The following BSPH1 variants were observed in gnomAD, a reference collection of about 807,000 sequenced individuals.
BSPH1 encodes binder of sperm 1.
Under a neutral mutation model 22.5 loss-of-function variants are expected in BSPH1, and 21 were observed. The ratio of observed to expected loss-of-function variants is 0.93; its 90% CI spans 0.66 to 1.35. The LOEUF (loss-of-function observed/expected upper bound fraction) is 1.35. Among genes scored for constraint, BSPH1 ranks in the 40% most tolerant of loss-of-function variants. The pLI is 0.00. For synonymous variants in BSPH1, 42 were observed against 53.6 expected (o/e 0.78, Z 0.95); for missense variants, 141 against 154.2 (o/e 0.91, Z 0.45).
At chr19:47,975,719 G>C (rs1470172834) in intron 5 of BSPH1, among the ~76,000 whole-genome samples, 1 of 145,734 alleles carries the variant, frequency 6.9e-6, no homozygotes, top group South Asian at 2.1e-4. Flanking sequence ...GCAGTGGTGC[G>C]ATCTCGGCTC....
chr19:47,987,705 A>G (rs1180680556), intron 1 of BSPH1, among the ~76,000 whole-genome samples: 1 of 152,108 alleles, frequency 6.6e-6, no homozygotes, highest in African/African-American at 2.4e-5. Context: ...AACCTTGATC[A>G]AAGAACCTTT....
intron 5 of BSPH1, among the ~76,000 whole-genome samples, chr19:47,972,280 CTTT>C (rs71181620): frequency 3.7e-5 from 5 of 136,798 alleles, no homozygotes; most frequent in African/African-American, 5.7e-5. Flanking sequence ...CCTTGATATT[CTTT>C]TTTTTTTTTT....
intron 5 of BSPH1, among the ~76,000 whole-genome samples, chr19:47,972,872 C>A (rs2122239570): frequency 6.6e-6 from 1 of 151,438 alleles, no homozygotes; most frequent in African/African-American, 2.4e-5. Context: ...CCCCCACCCC[C>A]ACACGTACGT....
intron 1 of BSPH1, among the ~76,000 whole-genome samples, chr19:47,990,781 T>C (rs1969515745): frequency 6.6e-6 from 1 of 152,208 alleles, no homozygotes; most frequent in Non-Finnish European, 1.5e-5. Flanking sequence ...TATTTTTCTA[T>C]TTCGCTTCAT....
At chr19:47,976,940 CAT>C (rs1255051380) in intron 4 of BSPH1, 86 bp from the exon 5 acceptor site, 5 of 1,251,724 alleles carry the variant, frequency 4.0e-6, no homozygotes, top group Non-Finnish European at 5.6e-6. Flanking sequence ...CACATGCACA[CAT>C]ATGCACACAT....
intron 1 of BSPH1, among the ~76,000 whole-genome samples, chr19:47,987,385 CTT>C (rs11289833): frequency 4.0e-4 from 55 of 136,904 alleles, no homozygotes; most frequent in East Asian, 4.3e-4. Context: ...TTAGTACTTA[CTT>C]TTTTTTTTTT....
chr19:47,971,357 C>T (rs1021641134), intron 5 of BSPH1, among the ~76,000 whole-genome samples: 1 of 152,154 alleles, frequency 6.6e-6, no homozygotes, highest in African/African-American at 2.4e-5. Flanking sequence ...AGGCGCATGC[C>T]ACCAAGCCCA....
intron 5 of BSPH1, among the ~76,000 whole-genome samples, chr19:47,973,951 A>G (rs2122241069): frequency 6.6e-6 from 1 of 152,078 alleles, no homozygotes; most frequent in East Asian, 1.9e-4. Context: ...CACCCACCAA[A>G]CACCCACTTG....
chr19:47,972,429 C>T (rs1732499730), intron 5 of BSPH1, among the ~76,000 whole-genome samples: 2 of 152,026 alleles, frequency 1.3e-5, no homozygotes, highest in South Asian at 4.1e-4. Flanking sequence ...TTTGTATCAT[C>T]TCCCTCCTCC....
At chr19:47,976,970 A>T in intron 4 of BSPH1, 116 bp from the exon 5 acceptor site, 1 of 980,990 alleles carries the variant, frequency 1.0e-6, no homozygotes, top group Non-Finnish European at 1.5e-6. Context: ...CACGTGAACA[A>T]ATGTGCACAC....
chr19:47,971,785 T>G (rs1326957012), intron 5 of BSPH1, among the ~76,000 whole-genome samples: 2 of 152,204 alleles, frequency 1.3e-5, no homozygotes, highest in African/African-American at 4.8e-5. Flanking sequence ...TAGCATCCAT[T>G]CATACTAAAT....
chr19:47,985,786 G>C (rs1440803244), intron 1 of BSPH1, among the ~76,000 whole-genome samples: 1 of 150,212 alleles, frequency 6.7e-6, no homozygotes, highest in Non-Finnish European at 1.5e-5. Flanking sequence ...AGTGAGCTGA[G>C]ATCACACCAC....
At chr19:47,985,864 A>AT (rs1969465746) in intron 1 of BSPH1, among the ~76,000 whole-genome samples, 1 of 152,040 alleles carries the variant, frequency 6.6e-6, no homozygotes, top group South Asian at 2.1e-4. Flanking sequence ...GAATAAGTGA[A>AT]TGTAAATAAA....
chr19:47,985,621 G>A (rs1969463336), intron 1 of BSPH1, among the ~76,000 whole-genome samples: 1 of 152,122 alleles, frequency 6.6e-6, no homozygotes, highest in Admixed American at 6.6e-5. Context: ...GATCACCTGA[G>A]GTCAGGAGTT....
intron 5 of BSPH1, among the ~76,000 whole-genome samples, chr19:47,974,467 G>C (rs1315414226): frequency 6.6e-6 from 1 of 151,550 alleles, no homozygotes; most frequent in Non-Finnish European, 1.5e-5. Flanking sequence ...ACAGGGTTTC[G>C]CCGTGTTGGC....
chr19:47,989,906 A>G (rs1969506734), intron 1 of BSPH1, among the ~76,000 whole-genome samples: 1 of 151,858 alleles, frequency 6.6e-6, no homozygotes, highest in African/African-American at 2.4e-5. Context: ...ATCACCGAAG[A>G]TCAGGAGTTC....
rs73941424 is a variant in BSPH1, at chr19:47,987,026, T to C, written c.73+4983A>G. 6.3e-3 allele frequency among the ~76,000 whole-genome samples: 957 copies of C among 152,326 alleles called. 9 individuals carry two copies. The highest frequency in any genetic ancestry group is 0.044 in the East Asian group (226 of 5,180). On this transcript the variant is annotated intron_variant, in intron 1 of 5. Transcript: ENST00000344839. ...TGCTTGTCTTCCCTGTGTGTGTCTG[T>C]TTCCTCTTCTTATAAAGATACCAGT...
chr19:47,978,342 C>T (rs1426815251), intron 3 of BSPH1, among the ~76,000 whole-genome samples: 1 of 152,002 alleles, frequency 6.6e-6, no homozygotes, highest in African/African-American at 2.4e-5. Context: ...TGAGCTCAAG[C>T]ATCTTCCTGC....
chr19:47,971,429 T>C (rs1969310586), intron 5 of BSPH1, among the ~76,000 whole-genome samples: 2 of 152,096 alleles, frequency 1.3e-5, no homozygotes, highest in Non-Finnish European at 2.9e-5. Context: ...TGGTCTCGAA[T>C]TTCTGACCTC....
Sources: allele counts gnomAD v4.1 joint callset (sites outside exome capture counted in the v4.1 genomes callset), GRCh38; gene constraint gnomAD v4.1.1; transcripts MANE v1.5; gene names NCBI Gene and HGNC (gene_info 2026-07-23, HGNC 2026-07-21).